The following CPT1C variants were observed in gnomAD, a reference collection of about 807,000 sequenced individuals.
CPT1C encodes carnitine palmitoyltransferase 1C.
Under a neutral mutation model 97.3 loss-of-function variants are expected in CPT1C, and 61 were observed. The observed-to-expected ratio is 0.63, with a 90% CI of 0.51 to 0.78. The LOEUF is 0.78. Ranked by LOEUF, CPT1C falls within the 30% of genes least tolerant of loss-of-function variation. CPT1C has a pLI of 0.00. For synonymous variants in CPT1C, 469 were observed against 447.2 expected (o/e 1.05, Z -0.61); for missense variants, 975 against 1,065.5 (o/e 0.92, Z 1.18).
At chr19:49,700,265 A>AC (rs1555777708) in intron 4 of CPT1C, among the ~76,000 whole-genome samples, 5 of 116,644 alleles carry the variant, frequency 4.3e-5, no homozygotes, top group Admixed American at 1.6e-4. Context: ...AACAAAACAA[A>AC]AAAAAAAACG....
At chr19:49,709,090 T>G (rs1157783330) in intron 14 of CPT1C, among the ~76,000 whole-genome samples, 16 of 144,056 alleles carry the variant, frequency 1.1e-4, no homozygotes, top group Non-Finnish European at 2.4e-4. Context: ...CAACCCCATC[T>G]CTACCTGTTT....
intron 3 of CPT1C, among the ~76,000 whole-genome samples, chr19:49,694,299 G>A (rs1023848450): frequency 6.6e-6 from 1 of 151,830 alleles, no homozygotes; most frequent in African/African-American, 2.4e-5. Flanking sequence ...ATGATAAATC[G>A]GGTAGAGAAG....
chr19:49,697,311 C>T lies in CPT1C; in HGVS notation c.142-15C>T, dbSNP rs763681777. The T allele has an allele frequency of 2.5e-6, 4 of 1,613,732 alleles. No individual in the cohort carries two copies. Among genetic ancestry groups the T allele is most frequent in the Admixed American group, 1.7e-5 (1 of 59,990 alleles). ...GAGGGCAGATGATTCAATGGATGCCCTTTCCTCCCCACAGAATGACTTTCT... is the reference window on the plus strand; with the variant it reads ...GAGGGCAGATGATTCAATGGATGCCTTTTCCTCCCCACAGAATGACTTTCT... On this transcript the variant is annotated splice_polypyrimidine_tract_variant and intron_variant, in intron 3 of 19. Coordinates refer to ENST00000598293, the MANE Select transcript of CPT1C (RefSeq NM_001199753.2).
chr19:49,712,525 G>C, intron 17 of CPT1C: 1 of 575,842 alleles, frequency 1.7e-6, no homozygotes, highest in East Asian at 3.0e-5. Flanking sequence ...GGCGTGGTCC[G>C]AGGGAGAAGA....
chr19:49,710,814 A>T lies in CPT1C; in HGVS notation c.1823A>T (p.Glu608Val). Reference sequence around the variant, plus strand: ...GAGACGGTGCGGTCTTGCACGAGGGAGGCCTGCAACTTTGTCAGGGCCATG... The same window carrying T: ...GAGACGGTGCGGTCTTGCACGAGGGTGGCCTGCAACTTTGTCAGGGCCATG... The part of the protein sequence containing the change: ...RTETVRSCTR[E>V]ACNFVRAMED... Residue 608 changes from glutamate (E) to valine (V), a missense_variant, in exon 16 of 20, where the codon GAG (glutamate) becomes GTG (valine). Coordinates refer to ENST00000598293, the MANE Select transcript of CPT1C (RefSeq NM_001199753.2). 6.2e-7 allele frequency: 1 copy of T among 1,613,880 alleles called. No homozygotes were observed. The highest frequency in any genetic ancestry group is 8.5e-7 in the Non-Finnish European group (1 of 1,179,838).
chr19:49,699,132 A>G lies in CPT1C; in HGVS notation c.282-1552A>G, dbSNP rs550145833. Among the ~76,000 whole-genome samples the G allele has an allele frequency of 3.2e-4, 48 of 152,116 alleles. No individual in the cohort carries two copies. The South Asian group carries it at 3.7e-3, about 12-fold the overall frequency. ...AAAAGAAAAAAAAATCATGCCTGTC[A>G]TATAGTCAGTAGAGTGCCAGGAGGT... On this transcript the variant is annotated intron_variant, in intron 4 of 19. Transcript: ENST00000598293.
chr19:49,710,231 C>A, intron 14 of CPT1C, 89 bp from the exon 15 acceptor site: 1 of 1,308,960 alleles, frequency 7.6e-7, no homozygotes. Context: ...CTTAACTCCA[C>A]ATCCACCTCC....
At chr19:49,708,024 A>G (rs1352124442) in intron 13 of CPT1C, among the ~76,000 whole-genome samples, 1 of 149,730 alleles carries the variant, frequency 6.7e-6, no homozygotes, top group African/African-American at 2.5e-5. Flanking sequence ...AAAAAAAAAA[A>G]AAAGAAAAGA....
chr19:49,703,809 T>A (rs2083349210), intron 7 of CPT1C, among the ~76,000 whole-genome samples: 1 of 151,660 alleles, frequency 6.6e-6, no homozygotes, highest in South Asian at 2.1e-4. Context: ...ATTTTTAAAT[T>A]TTTTGTAGAC....
At position 49,697,337 on chromosome 19, in the gene CPT1C, C is replaced by T. The variant is rs1304043723; in HGVS notation, c.153C>T (p.Leu51=). The change falls in exon 4 of 20, where the codon CTC becomes CTT. Residue 51 remains leucine, a synonymous_variant. Coordinates refer to ENST00000598293, the MANE Select transcript of CPT1C (RefSeq NM_001199753.2). ...RHLSRFWNDF[L]TGVFPASPLS... is the part of the protein sequence containing the mutation. ...TTTCCTCCCCACAGAATGACTTTCT[C>T]ACCGGTGTGTTTCCTGCCAGCCCCC... The T allele has an allele frequency of 3.1e-6, 5 of 1,614,108 alleles. No homozygotes were observed. The highest frequency in any genetic ancestry group is 4.2e-6 in the Non-Finnish European group (5 of 1,180,018).
intron 7 of CPT1C, among the ~76,000 whole-genome samples, chr19:49,702,929 C>A (rs1253635419): frequency 6.6e-6 from 1 of 152,062 alleles, no homozygotes; most frequent in Non-Finnish European, 1.5e-5. Context: ...CCCGGCAGAG[C>A]CCCACGAGGC....
chr19:49,709,994 G>A (rs1568540296), intron 14 of CPT1C, among the ~76,000 whole-genome samples: 2 of 151,700 alleles, frequency 1.3e-5, no homozygotes, highest in Admixed American at 6.6e-5. Context: ...CTACAGGCAC[G>A]TGCCACCACG....
chr19:49,706,423 T>A lies in CPT1C; in HGVS notation c.1343+10T>A. ...GCCGGGGCCATGATCGGTGAGTGAG[T>A]CTTGGGATGGGGCCCCCAGATGTGG... is the stretch of plus-strand genomic sequence containing the variant. On this transcript the variant is annotated intron_variant, in intron 12 of 19. Coordinates refer to ENST00000598293, the MANE Select transcript of CPT1C (RefSeq NM_001199753.2). This position sits in a 1 kb window ranked among gnomAD's most constrained non-coding sequence, Gnocchi z 4.8. 10 of 1,460,258 alleles carry A rather than the reference T, an allele frequency of 6.8e-6. No homozygotes were observed. The highest frequency in any genetic ancestry group is 9.0e-6 in the Non-Finnish European group (10 of 1,114,722). The allele number at this position is 1,460,258 out of a possible 1,614,324, so 90.5% of individuals were successfully genotyped here.
chr19:49,711,712 G>C, intron 16 of CPT1C, 97 bp from the exon 17 acceptor site: 2 of 1,269,358 alleles, frequency 1.6e-6, no homozygotes, highest in Non-Finnish European at 2.2e-6. Context: ...ACCTTGCAGG[G>C]ATGTGGCAAA....
In CPT1C at chr19:49,695,771, C is replaced by T. The variant is rs1448417415; in HGVS notation, c.142-1555C>T. On this transcript the variant is annotated intron_variant, in intron 3 of 19. Transcript: ENST00000598293. ...GCTAATTTTGTATTTTTAGTAGAGA[C>T]GGGGTTTCACCATGTTGGCCAGGAT... 4.6e-5 allele frequency among the ~76,000 whole-genome samples: 7 copies of T among 152,032 alleles called. No homozygotes were observed. The South Asian group carries it at 6.2e-4, about 14-fold the overall frequency.
At chr19:49,697,692 G>T (rs973490555) in intron 4 of CPT1C, 1 of 447,522 alleles carries the variant, frequency 2.2e-6, no homozygotes, top group African/African-American at 2.0e-5. Flanking sequence ...TGGGTGTATC[G>T]CTTGAGGTCA....
intron 4 of CPT1C, among the ~76,000 whole-genome samples, chr19:49,699,463 A>T (rs1229250294): frequency 3.1e-5 from 4 of 128,844 alleles, no homozygotes; most frequent in Non-Finnish European, 4.6e-5. Flanking sequence ...TCTCTAAAAA[A>T]AAAAAAAAAA....
intron 3 of CPT1C, chr19:49,696,349 G>A (rs2082667026): frequency 6.6e-6 from 1 of 152,164 alleles, no homozygotes; most frequent in African/African-American, 2.4e-5. Flanking sequence ...GTAACGCAGT[G>A]CTGTTGGTCG....
rs568364483 is a variant in CPT1C, at chr19:49,707,234, G to A, written c.1344-284G>A. ...TGGGAGGCGGAGGTTGCAGTGAGCC[G>A]AGATCGCGCCACTGCACTCCAGCCT... On this transcript the variant is annotated intron_variant, in intron 12 of 19. Transcript: ENST00000598293. Among the ~76,000 whole-genome samples the A allele has an allele frequency of 4.6e-5, 7 of 152,184 alleles. No individual in the cohort carries two copies. In the South Asian group the frequency reaches 1.2e-3, roughly 27 times the overall value.
Sources: gnomAD v4.1 joint callset for allele counts (sites outside exome capture counted in the v4.1 genomes callset) on GRCh38, gnomAD v4.1.1 for gene constraint, Gnocchi (gnomAD v3.1) non-coding constraint, MANE v1.5 for transcripts, NCBI Gene and HGNC (gene_info 2026-07-23, HGNC 2026-07-21) for gene names.